Variants in KDM4C observed in about 807,000 individuals in gnomAD.
The protein encoded by KDM4C is lysine-specific demethylase 4C.
KDM4C carries 81 observed loss-of-function variants against 129.3 expected under a neutral mutation model. That is an observed-to-expected ratio of 0.63 (90% CI 0.52 to 0.75). KDM4C has a LOEUF of 0.75. KDM4C is among the 30% of genes least tolerant of loss of function. The pLI is 0.00. For missense variants in KDM4C, 1,457 were observed against 1,304.0 expected, an observed-to-expected ratio of 1.12 and a Z score of -1.81; for synonymous variants, 573 against 456.1, an observed-to-expected ratio of 1.26 and a Z score of -3.26.
rs771506472 is a variant in KDM4C at position 7,175,044 on chromosome 9, G to C, written c.*315G>C. 4.0e-5 allele frequency: 9 copies of C among 222,386 alleles called. No homozygotes were observed. Among genetic ancestry groups the C allele is most frequent in the Non-Finnish European group, 7.3e-5 (8 of 109,876 alleles). The allele number at this position is 222,386 out of a possible 1,614,324, so 13.8% of individuals were successfully genotyped here. On this transcript the variant is annotated 3_prime_UTR_variant, in exon 22 of 22. Transcript: ENST00000381309. The stretch of plus-strand genomic sequence containing the variant: ...AAGGAAAAGCCACTGCCACAGAGGA[G>C]GCGGGTCCCCTTGTGCGGCTTAGGG...
rs749953640 is a variant in KDM4C at position 6,749,066 on chromosome 9, C to G, written c.49+28069C>G. On this transcript the variant is annotated intron_variant, in intron 1 of 17. Transcript: ENST00000536108. ...TGGAGTTTTGCTCTTGTTGCCCAGG[C>G]TGGAGTGCAATGGCGCGATCTCGCC... 7.6e-6 allele frequency: 4 copies of G among 528,814 alleles called. 1 individual carries two copies. The highest frequency in any genetic ancestry group is 7.2e-6 in the Non-Finnish European group (2 of 277,078). The allele number at this position is 528,814 out of a possible 1,614,324, so 32.8% of individuals were successfully genotyped here.
At position 6,913,782 on chromosome 9, in the gene KDM4C, C is replaced by G. The variant is rs866402615; in HGVS notation, c.921+20550C>G. Among the ~76,000 whole-genome samples the G allele has an allele frequency of 1.7e-4, 26 of 152,324 alleles. No homozygotes were observed. The Middle Eastern group carries it at 0.01, about 60-fold the overall frequency. ...TCCCAGATGACAATTCAAACAGTTA[C>G]TATAAAAAGTAATAAGGTGTATTTG... On this transcript the variant is annotated intron_variant, in intron 8 of 21. Transcript: ENST00000381309.
At chr9:7,121,734 GT>G (rs750116576) in intron 18 of KDM4C, among the ~76,000 whole-genome samples, 2 of 151,874 alleles carry the variant, frequency 1.3e-5, no homozygotes, top group Non-Finnish European at 2.9e-5. Flanking sequence ...ATTGGGGAAA[GT>G]AAGTAAATCT....
intron 5 of KDM4C, among the ~76,000 whole-genome samples, chr9:6,869,399 G>T (rs1010777545): frequency 6.6e-6 from 1 of 152,230 alleles, no homozygotes. Context: ...AAGGCAAGAG[G>T]ACTGGCATTT....
intron 1 of KDM4C, among the ~76,000 whole-genome samples, chr9:6,745,682 T>C (rs1297070731): frequency 6.6e-6 from 1 of 152,074 alleles, no homozygotes; most frequent in Non-Finnish European, 1.5e-5. Context: ...TCTGTTGCCC[T>C]GGCTGGGGTG....
chr9:6,827,893 C>T (rs1055886575), intron 4 of KDM4C, among the ~76,000 whole-genome samples: 1 of 152,172 alleles, frequency 6.6e-6, no homozygotes, highest in Non-Finnish European at 1.5e-5. Flanking sequence ...AGCAGGTCAG[C>T]TTGCATGACC....
chr9:7,055,024 A>G (rs1830682129), intron 17 of KDM4C, among the ~76,000 whole-genome samples: 1 of 152,182 alleles, frequency 6.6e-6, no homozygotes, highest in Admixed American at 6.5e-5. Flanking sequence ...TAAAAATACA[A>G]AAATTAGCCG....
At chr9:6,899,551 G>T (rs1335098344) in intron 8 of KDM4C, among the ~76,000 whole-genome samples, 1 of 151,314 alleles carries the variant, frequency 6.6e-6, no homozygotes, top group Non-Finnish European at 1.5e-5. Context: ...GGGTGTGTGT[G>T]TGTGTGTGTG....
chr9:7,111,349 G>C (rs1163050702), intron 18 of KDM4C, among the ~76,000 whole-genome samples: 1 of 152,098 alleles, frequency 6.6e-6, no homozygotes, highest in Non-Finnish European at 1.5e-5. Flanking sequence ...TTTAAGATTT[G>C]GGAAACTAAA....
chr9:6,795,220 G>A (rs78787611), intron 2 of KDM4C, among the ~76,000 whole-genome samples: 145 of 152,278 alleles, frequency 9.5e-4, no homozygotes, highest in Non-Finnish European at 1.8e-3. Context: ...ATTGGGATTG[G>A]TGTTCAACTC....
chr9:6,905,581 A>C (rs1818172197), intron 8 of KDM4C, among the ~76,000 whole-genome samples: 1 of 152,212 alleles, frequency 6.6e-6, no homozygotes, highest in Non-Finnish European at 1.5e-5. Flanking sequence ...CTAAGCCCTA[A>C]AATGATTCTT....
intron 19 of KDM4C, 104 bp downstream of exon 19, chr9:7,128,340 A>G: frequency 1.3e-6 from 1 of 770,654 alleles, no homozygotes; most frequent in Non-Finnish European, 1.9e-6. Context: ...TGAGTAGCTC[A>G]TTCACTTGGT....
intron 4 of KDM4C, among the ~76,000 whole-genome samples, chr9:6,831,901 T>C (rs1249018357): frequency 6.6e-6 from 1 of 152,222 alleles, no homozygotes; most frequent in African/African-American, 2.4e-5. Context: ...TTCAGCTATA[T>C]TGCTCTTTCA....
chr9:7,067,236 A>G (rs1832548547), intron 17 of KDM4C, among the ~76,000 whole-genome samples: 1 of 152,230 alleles, frequency 6.6e-6, no homozygotes, highest in African/African-American at 2.4e-5. Context: ...TGACAGTAGT[A>G]TCACTTTTGT....
At chr9:6,888,799 T>C (rs1314506446) in intron 7 of KDM4C, among the ~76,000 whole-genome samples, 3 of 30,096 alleles carry the variant, frequency 1.0e-4, no homozygotes, top group Non-Finnish European at 2.0e-4. Flanking sequence ...TTTTTTTTTT[T>C]TTTTTTGAGA....
intron 8 of KDM4C, among the ~76,000 whole-genome samples, chr9:6,952,720 T>C (rs1828396054): frequency 6.6e-6 from 1 of 152,034 alleles, no homozygotes. Context: ...GGATTACAGG[T>C]GTGAGCCACT....
chr9:6,820,768 C>T lies in KDM4C; in HGVS notation c.435+6023C>T, dbSNP rs187766043. On this transcript the variant is annotated intron_variant, in intron 4 of 21. Transcript: ENST00000381309. ...TTCAAGTTCTAGGATACATGTGCAA[C>T]GTGCAGGTTTGATACATAGGTATAC... Among the ~76,000 whole-genome samples, 320 of 145,524 alleles carry T rather than the reference C, an allele frequency of 2.2e-3. 1 individual carries two copies. Among genetic ancestry groups the T allele is most frequent in the Non-Finnish European group, 3.6e-3 (242 of 67,166 alleles).
chr9:6,794,420 T>C (rs1489346228), intron 2 of KDM4C, among the ~76,000 whole-genome samples: 1 of 152,192 alleles, frequency 6.6e-6, no homozygotes, highest in East Asian at 1.9e-4. Flanking sequence ...TGTCTGGCTA[T>C]GGTAAGGCAT....
In KDM4C at chr9:7,129,075, T is replaced by A. The variant is rs1318344480; in HGVS notation, c.2781+839T>A. Among the ~76,000 whole-genome samples, 3 of 152,252 alleles carry A rather than the reference T, an allele frequency of 2.0e-5. No homozygotes were observed. In the East Asian group the frequency reaches 5.8e-4, roughly 29 times the overall value. ...TTCTCCTTTCGGGGGGTGTGTGAGTTTGGGGAGCTGACCCTTAATAATGTA... is the reference window on the plus strand; with the variant it reads ...TTCTCCTTTCGGGGGGTGTGTGAGTATGGGGAGCTGACCCTTAATAATGTA... On this transcript the variant is annotated intron_variant, in intron 19 of 21. Coordinates refer to ENST00000381309, the MANE Select transcript of KDM4C (RefSeq NM_015061.6).
Sources: gnomAD v4.1 joint callset for allele counts (sites outside exome capture counted in the v4.1 genomes callset) on GRCh38, gnomAD v4.1.1 for gene constraint, MANE v1.5 for transcripts, NCBI Gene and HGNC (gene_info 2026-07-23, HGNC 2026-07-21) for gene names.